The following PRUNE2 variants were observed in gnomAD, a reference collection of about 807,000 sequenced individuals.
PRUNE2 encodes the protein prune homolog 2 with BCH domain.
PRUNE2 carries 164 observed loss-of-function variants against 252.0 expected under a neutral mutation model. The ratio of observed to expected loss-of-function variants is 0.65; its 90% CI spans 0.57 to 0.74. The LOEUF (loss-of-function observed/expected upper bound fraction) is 0.74. Ranked by LOEUF, PRUNE2 falls within the 30% of genes least tolerant of loss-of-function variation. PRUNE2 has a pLI of 0.00. For missense variants in PRUNE2, 3,495 were observed against 3,711.0 expected, an observed-to-expected ratio of 0.94 and a Z score of 1.51; for synonymous variants, 1,292 against 1,350.2, an observed-to-expected ratio of 0.96 and a Z score of 0.94.
intron 6 of PRUNE2, among the ~76,000 whole-genome samples, chr9:76,801,401 ATTAT>A (rs2056543680): frequency 1.3e-5 from 2 of 152,340 alleles, no homozygotes; most frequent in Non-Finnish European, 2.9e-5. Context: ...CCCTTAGCAG[ATTAT>A]TAATGAAAAG....
chr9:76,905,935 G>T lies in PRUNE2; in HGVS notation c.29C>A (p.Ser10Tyr). 2 of 1,614,184 alleles carry T rather than the reference G, an allele frequency of 1.2e-6. No homozygotes were observed. The highest frequency in any genetic ancestry group is 2.2e-5 in the South Asian group (2 of 91,082). MEEFLQRAK[S>Y]KLNRSKRLEK... ...TTTGCTCACTCAACTTACCAGTTTA[G>T]ATTTGGCGCGTTGCAAAAATTCTTC... Residue 10 changes from serine to tyrosine, a missense_variant, in exon 1 of 19, where the codon TCT (serine) becomes TAT (tyrosine). Physicochemically the swap from Ser to Tyr is moderately radical, Grantham distance 144 (BLOSUM62 -2). Transcript: ENST00000376718.
chr9:76,865,966 C>A (rs972040553), intron 1 of PRUNE2, among the ~76,000 whole-genome samples: 6 of 152,156 alleles, frequency 3.9e-5, no homozygotes, highest in Non-Finnish European at 8.8e-5. Flanking sequence ...ATATTTTCCT[C>A]TTTTCTCTCA....
rs1178914713 is a variant in PRUNE2 at position 76,710,316 on chromosome 9, C to T, written c.1958G>A (p.Cys653Tyr). 6.2e-7 allele frequency: 1 copy of T among 1,614,010 alleles called. No homozygotes were observed. Among genetic ancestry groups the T allele is most frequent in the Non-Finnish European group, 8.5e-7 (1 of 1,179,898 alleles). Residue 653 changes from cysteine to tyrosine, a missense_variant, in exon 8 of 19, where the codon TGC becomes TAC. Coordinates refer to ENST00000376718, the MANE Select transcript of PRUNE2 (RefSeq NM_015225.3). Reference protein sequence around the residue: ...HMGPPQTHARCSSWWGGLEID... With the variant: ...HMGPPQTHARYSSWWGGLEID... The stretch of plus-strand genomic sequence containing the variant: ...TTCCAAACCACCCCACCAGCTGCTG[C>T]ACCGTGCATGGGTCTGAGGTGGCCC...
In PRUNE2 at chr9:76,642,001, T is replaced by TAAAAAAAAAAAAAAAAAAAAA; in HGVS notation, c.8728+2737_8728+2738insTTTTTTTTTTTTTTTTTTTTT. 4.0e-6 allele frequency: 4 copies of TAAAAAAAAAAAAAAAAAAAAA among 1,010,460 alleles called. No individual in the cohort carries two copies. The East Asian group carries it at 8.3e-5, about 21-fold the overall frequency. The allele number at this position is 1,010,460 out of a possible 1,614,324, so 62.6% of individuals were successfully genotyped here. On this transcript the variant is annotated intron_variant, in intron 12 of 18. Coordinates refer to ENST00000376718, the MANE Select transcript of PRUNE2 (RefSeq NM_015225.3). ...ATCTCCTATAATGAAATAAGAGAAG[T>TAAAAAAAAAAAAAAAAAAAAA]AAAAAAAAAAAAAAAAGAAAAGAAA...
In PRUNE2 at chr9:76,619,375, A is replaced by C. The variant is rs1196973360; in HGVS notation, c.9201T>G (p.Leu3067=). The change falls in exon 18 of 19, where the codon CTT becomes CTG. Residue 3067 remains leucine, a synonymous_variant. Coordinates refer to ENST00000376718, the MANE Select transcript of PRUNE2 (RefSeq NM_015225.3). ...EASEAAKTSC[L]YNDPEMSSME... is the part of the protein sequence containing the mutation. Reference sequence around the variant, plus strand: ...TAGAAGACATTTCTGGATCATTGTAAAGGCAGCTAGTTCTGAGTGCAAGGA... The same window carrying C: ...TAGAAGACATTTCTGGATCATTGTACAGGCAGCTAGTTCTGAGTGCAAGGA... The C allele has an allele frequency of 6.2e-7, 1 of 1,606,762 alleles. No homozygotes were observed. Among genetic ancestry groups the C allele is most frequent in the East Asian group, 2.2e-5 (1 of 44,730 alleles).
chr9:76,694,307 T>A (rs1325027327), intron 9 of PRUNE2, among the ~76,000 whole-genome samples: 1 of 152,070 alleles, frequency 6.6e-6, no homozygotes, highest in African/African-American at 2.4e-5. Context: ...CTCAGCTTCC[T>A]GAGTAGCTGG....
In PRUNE2 at chr9:76,835,251, C is replaced by T. The variant is rs114321387; in HGVS notation, c.509-8519G>A. Among the ~76,000 whole-genome samples the T allele has an allele frequency of 4.2e-3, 636 of 151,718 alleles. 4 individuals carry two copies. The highest frequency in any genetic ancestry group is 0.014 in the African/African-American group (593 of 41,344). ...GGGAAAACATTCAACACAGTAAAGG[C>T]GTATTCTGCATGACAAATTCTTAAC... On this transcript the variant is annotated intron_variant, in intron 4 of 18. Coordinates refer to ENST00000376718, the MANE Select transcript of PRUNE2 (RefSeq NM_015225.3).
At chr9:76,749,385 C>G (rs1242786368) in intron 6 of PRUNE2, among the ~76,000 whole-genome samples, 2 of 152,234 alleles carry the variant, frequency 1.3e-5, no homozygotes, top group East Asian at 3.8e-4. Context: ...GCCCTGCTTC[C>G]TTAACCAACT....
At chr9:76,727,709 G>GTTT (rs1204168069) in intron 6 of PRUNE2, among the ~76,000 whole-genome samples, 4 of 72,088 alleles carry the variant, frequency 5.5e-5, no homozygotes, top group African/African-American at 9.4e-5. Flanking sequence ...GGTAAACAGG[G>GTTT]CTTTTTTTTT....
chr9:76,712,560 CT>C (rs2046818918), intron 7 of PRUNE2, among the ~76,000 whole-genome samples: 2 of 152,212 alleles, frequency 1.3e-5, no homozygotes, highest in African/African-American at 2.4e-5. Context: ...TGCTCTTCTA[CT>C]TTTGTCTGTT....
intron 11 of PRUNE2, among the ~76,000 whole-genome samples, chr9:76,645,928 A>G (rs192466938): frequency 1.3e-5 from 2 of 152,210 alleles, no homozygotes; most frequent in African/African-American, 4.8e-5. Context: ...ACCAGGTACT[A>G]GTTGGTATTA....
chr9:76,643,961 G>A (rs1273438250), intron 12 of PRUNE2, among the ~76,000 whole-genome samples: 2 of 152,144 alleles, frequency 1.3e-5, no homozygotes, highest in Non-Finnish European at 2.9e-5. Flanking sequence ...CTGAACAGCT[G>A]GGTGGTTACA....
chr9:76,715,342 G>A lies in PRUNE2; in HGVS notation c.757-1621C>T, dbSNP rs143552352. 5.2e-3 allele frequency among the ~76,000 whole-genome samples: 798 copies of A among 152,328 alleles called. 11 individuals carry two copies. Among genetic ancestry groups the A allele is most frequent in the African/African-American group, 0.018 (743 of 41,562 alleles). ...ATCTCAAGGTCTGTGAGGCTCTGAA[G>A]AGGGCACACAAGACCCTGGGTAGGT... On this transcript the variant is annotated intron_variant, in intron 6 of 18. Coordinates refer to ENST00000376718, the MANE Select transcript of PRUNE2 (RefSeq NM_015225.3).
At chr9:76,682,679 T>C (rs1214267497) in intron 9 of PRUNE2, among the ~76,000 whole-genome samples, 1 of 152,162 alleles carries the variant, frequency 6.6e-6, no homozygotes, top group Admixed American at 6.5e-5. Flanking sequence ...CCACTATTAA[T>C]TTTTTATTTT....
chr9:76,841,732 C>A (rs564927037), intron 4 of PRUNE2, among the ~76,000 whole-genome samples: 2 of 152,314 alleles, frequency 1.3e-5, no homozygotes, highest in Admixed American at 1.3e-4. Context: ...CCGCTGTAGC[C>A]AGACTACCTC....
chr9:76,840,703 G>A (rs183337702), intron 4 of PRUNE2, among the ~76,000 whole-genome samples: 1 of 152,302 alleles, frequency 6.6e-6, no homozygotes, highest in East Asian at 1.9e-4. Flanking sequence ...GTTCTAGGCT[G>A]GGAGTGGTGG....
chr9:76,873,702 T>C (rs974033053), intron 1 of PRUNE2, among the ~76,000 whole-genome samples: 4 of 152,184 alleles, frequency 2.6e-5, no homozygotes, highest in Non-Finnish European at 5.9e-5. Context: ...AAACCCATGA[T>C]GAAAGCTTTT....
At chr9:76,795,694 G>A (rs1737163522) in intron 6 of PRUNE2, among the ~76,000 whole-genome samples, 1 of 152,172 alleles carries the variant, frequency 6.6e-6, no homozygotes, top group Admixed American at 6.5e-5. Flanking sequence ...TTTGTTCACC[G>A]TAAAAATACA....
At chr9:76,677,295 ATTATT>A (rs2042767366) in intron 9 of PRUNE2, among the ~76,000 whole-genome samples, 1 of 152,250 alleles carries the variant, frequency 6.6e-6, no homozygotes, top group African/African-American at 2.4e-5. Context: ...AAAAAAATTC[ATTATT>A]TTATTTATGT....
Sources: gnomAD v4.1 joint callset for allele counts (sites outside exome capture counted in the v4.1 genomes callset) on GRCh38, gnomAD v4.1.1 for gene constraint, MANE v1.5 for transcripts, NCBI Gene and HGNC (gene_info 2026-07-23, HGNC 2026-07-21) for gene names.